ASTL: variants seen among roughly 807,000 people sequenced by gnomAD.
ASTL encodes astacin like metalloendopeptidase.
ASTL carries 27 observed loss-of-function variants against 36.7 expected under a neutral mutation model. The observed-to-expected ratio is 0.73, with a 90% CI of 0.54 to 1.01. The LOEUF is 1.01. ASTL is among the 50% of genes least tolerant of loss of function. The pLI is 0.00. For missense variants in ASTL, 524 were observed against 572.8 expected, an observed-to-expected ratio of 0.91 and a Z score of 0.87; for synonymous variants, 222 against 228.1, an observed-to-expected ratio of 0.97 and a Z score of 0.24.
chr2:96,129,733 A>G, intron 8 of ASTL, 91 bp downstream of exon 8: 1 of 1,290,822 alleles, frequency 7.7e-7, no homozygotes, highest in Non-Finnish European at 1.1e-6. Context: ...TCCCCCTGCA[A>G]CCTCATCTCC....
At position 96,123,294 on chromosome 2, in the gene ASTL, C is replaced by T. The variant is rs1377856513; in HGVS notation, c.*556G>A. Among the ~76,000 whole-genome samples, 1 of 152,232 alleles carries T rather than the reference C, an allele frequency of 6.6e-6. No homozygotes were observed. Among genetic ancestry groups the T allele is most frequent in the Non-Finnish European group, 1.5e-5 (1 of 68,034 alleles). On this transcript the variant is annotated 3_prime_UTR_variant, in exon 9 of 9. Transcript: ENST00000342380. ...GTGGCCACACTTGACCTACCACCTT[C>T]CTGCTCTGCAGGGGAGTAAGTTGGG...
At chr2:96,131,423 C>T (rs1353402022) in intron 6 of ASTL, among the ~76,000 whole-genome samples, 2 of 152,218 alleles carry the variant, frequency 1.3e-5, no homozygotes, top group South Asian at 2.1e-4. Context: ...AGAATGTTTA[C>T]ATTGGTCTAC....
chr2:96,132,433 G>T lies in ASTL; in HGVS notation c.637+107C>A. Reference sequence around the variant, plus strand: ...CACCTTCCCCACAGGAAGCAGGCAGGTGATGGGGAGGATGGATAGCCTCAC... The same window carrying T: ...CACCTTCCCCACAGGAAGCAGGCAGTTGATGGGGAGGATGGATAGCCTCAC... On this transcript the variant is annotated intron_variant, in intron 6 of 8. Transcript: ENST00000342380. This position sits in a 1 kb window ranked among gnomAD's most constrained non-coding sequence, Gnocchi z 5.4. 1 of 1,003,410 alleles carries T rather than the reference G, an allele frequency of 1.0e-6. No individual in the cohort carries two copies. The highest frequency in any genetic ancestry group is 1.4e-6 in the Non-Finnish European group (1 of 695,130). 62.2% of individuals were successfully genotyped at this position (1,003,410 alleles called of 1,614,324 possible). A position where few individuals can be genotyped will look rare whatever the true frequency, so the allele number is the denominator to read the frequency against.
intron 8 of ASTL, among the ~76,000 whole-genome samples, chr2:96,126,381 C>T (rs1349517758): frequency 6.6e-6 from 1 of 152,078 alleles, no homozygotes; most frequent in East Asian, 1.9e-4. Flanking sequence ...TGCAGATGAC[C>T]AACAAGCACA....
At chr2:96,129,611 T>C (rs967873240) in intron 8 of ASTL, among the ~76,000 whole-genome samples, 1 of 152,242 alleles carries the variant, frequency 6.6e-6, no homozygotes, top group African/African-American at 2.4e-5. Flanking sequence ...TTATCTAGGC[T>C]AAGCAAGTGA....
intron 8 of ASTL, among the ~76,000 whole-genome samples, chr2:96,126,247 G>A (rs1682061440): frequency 6.6e-6 from 1 of 152,170 alleles, no homozygotes; most frequent in African/African-American, 2.4e-5. Context: ...AGGAAGTGAT[G>A]AAATATTTAA....
At position 96,124,778 on chromosome 2, in the gene ASTL, C is replaced by T. The variant is rs1331391171; in HGVS notation, c.875-507G>A. ...ACCCCACCTCTTTGTGGGCACTCTT[C>T]CTCATTCAAGCCCATGTTCTCTGGC... On this transcript the variant is annotated intron_variant, in intron 8 of 8. Coordinates refer to ENST00000342380, the MANE Select transcript of ASTL (RefSeq NM_001002036.4). The surrounding 1 kb of genome is among the most constrained non-coding windows in gnomAD (Gnocchi z 4.1). Among the ~76,000 whole-genome samples, 2 of 152,140 alleles carry T rather than the reference C, an allele frequency of 1.3e-5. No individual in the cohort carries two copies. Among genetic ancestry groups the T allele is most frequent in the African/African-American group, 4.8e-5 (2 of 41,432 alleles).
rs1304684277 is a variant in ASTL at position 96,124,792 on chromosome 2, A to G, written c.875-521T>C. ...TGGGCACTCTTCCTCATTCAAGCCC[A>G]TGTTCTCTGGCTGGCCCCAGCCCCT... On this transcript the variant is annotated intron_variant, in intron 8 of 8. Transcript: ENST00000342380. The surrounding 1 kb of genome is among the most constrained non-coding windows in gnomAD (Gnocchi z 4.1). Among the ~76,000 whole-genome samples, 1 of 151,988 alleles carries G rather than the reference A, an allele frequency of 6.6e-6. No homozygotes were observed. Among genetic ancestry groups the G allele is most frequent in the Non-Finnish European group, 1.5e-5 (1 of 67,982 alleles).
At position 96,135,385 on chromosome 2, in the gene ASTL, C is replaced by T. The variant is rs370555704; in HGVS notation, c.209G>A (p.Ser70Asn). Residue 70 changes from serine to asparagine, a missense_variant, in exon 3 of 9, where the codon AGC becomes AAC. Physicochemically the swap from Ser to Asn is conservative, Grantham distance 46. Transcript: ENST00000342380. ...QGLILEETPE[S>N]SFLIEGDIIR... is the part of the protein sequence containing the mutation. ...GATGTCCCCCTCGATGAGGAAGCTG[C>T]TCTCTGGGGTTTCTTCCAGGATGAG... 37 of 1,614,064 alleles carry T rather than the reference C, an allele frequency of 2.3e-5. No homozygotes were observed. Among genetic ancestry groups the T allele is most frequent in the Non-Finnish European group, 3.1e-5 (36 of 1,180,020 alleles).
chr2:96,136,443 G>A (rs541361375), intron 2 of ASTL, among the ~76,000 whole-genome samples: 51 of 152,352 alleles, frequency 3.3e-4, no homozygotes, highest in South Asian at 2.3e-3. Flanking sequence ...GGTAAGGCAC[G>A]GGCAGCCCTT....
chr2:96,124,015 AC>A lies in ASTL; in HGVS notation c.1130del (p.Gly377ValfsTer64). The A allele has an allele frequency of 6.2e-7, 1 of 1,614,032 alleles. No homozygotes were observed. On this transcript the variant is annotated frameshift_variant, in exon 9 of 9. Coordinates refer to ENST00000342380, the MANE Select transcript of ASTL (RefSeq NM_001002036.4). LOFTEE classifies it low-confidence loss of function (END_TRUNC). This position sits in a 1 kb window ranked among gnomAD's most constrained non-coding sequence, Gnocchi z 4.1. ...ASSPRSRPGAGAPGVAQEQSW... is the reference protein window; with the variant it reads ...ASSPRSRPGAXAPGVAQEQSW... ...ACTGCTCCTGAGCAACACCGGGGGC[AC>A]CTGCTCCAGGCCTTGATCTTGGGGA...
intron 8 of ASTL, among the ~76,000 whole-genome samples, chr2:96,126,054 A>G (rs557116289): frequency 6.6e-6 from 1 of 152,172 alleles, no homozygotes; most frequent in African/African-American, 2.4e-5. Context: ...TAGGTCATAT[A>G]CCTAAATGTA....
intron 2 of ASTL, 35 bp downstream of exon 2, chr2:96,137,540 C>A: frequency 6.2e-7 from 1 of 1,605,364 alleles, no homozygotes; most frequent in Non-Finnish European, 8.5e-7. Flanking sequence ...TAACGTCGTG[C>A]CCCTCCAGGC....
In ASTL at chr2:96,123,394, G is replaced by A. The variant is rs1217501464; in HGVS notation, c.*456C>T. Reference sequence around the variant, plus strand: ...CATTCCCCCACACTTGGGCATGTTGGGTGGGATGGGAGGCTGTTCCCAGGG... The same window carrying A: ...CATTCCCCCACACTTGGGCATGTTGAGTGGGATGGGAGGCTGTTCCCAGGG... On this transcript the variant is annotated 3_prime_UTR_variant, in exon 9 of 9. Transcript: ENST00000342380. Among the ~76,000 whole-genome samples the A allele has an allele frequency of 6.6e-6, 1 of 152,216 alleles. No homozygotes were observed. Among genetic ancestry groups the A allele is most frequent in the Non-Finnish European group, 1.5e-5 (1 of 68,022 alleles).
At chr2:96,129,692 GT>G in intron 8 of ASTL, 131 bp downstream of exon 8, 1 of 791,152 alleles carries the variant, frequency 1.3e-6, no homozygotes, top group Non-Finnish European at 1.9e-6. Flanking sequence ...GTTCTGCGTC[GT>G]TGTGGCAAGC....
chr2:96,132,551 T>C lies in ASTL; in HGVS notation c.626A>G (p.Glu209Gly). The stretch of plus-strand genomic sequence containing the variant: ...GTGGCCTGGCTCACCTGGCAGGATC[T>C]CGTTCCAGTTGACACGGATATAGCG... Reference protein sequence around the residue: ...RDRYIRVNWNEILPGFEINFI... With the variant: ...RDRYIRVNWNGILPGFEINFI... The change falls in exon 6 of 9, where the codon GAG becomes GGG. Residue 209 changes from glutamate to glycine, a missense_variant. Coordinates refer to ENST00000342380, the MANE Select transcript of ASTL (RefSeq NM_001002036.4). The surrounding 1 kb of genome is among the most constrained non-coding windows in gnomAD (Gnocchi z 5.4). The C allele has an allele frequency of 6.3e-7, 1 of 1,598,130 alleles. No individual in the cohort carries two copies. The highest frequency in any genetic ancestry group is 1.1e-5 in the South Asian group (1 of 90,534).
chr2:96,124,083 T>G lies in ASTL; in HGVS notation c.1063A>C (p.Ser355Arg). ...GGCTGCCTTGCCGAGGCCTCTGCAC[T>G]GAGCTTTTTCAGGGCAGGGGACTCC... ...GWESPALKKL[S>R]AEASARQPQT... Residue 355 changes from serine (S) to arginine (R), a missense_variant, in exon 9 of 9, where the codon AGT (serine) becomes CGT (arginine). Coordinates refer to ENST00000342380, the MANE Select transcript of ASTL (RefSeq NM_001002036.4). The surrounding 1 kb of genome is among the most constrained non-coding windows in gnomAD (Gnocchi z 4.1). 1 of 1,611,830 alleles carries G rather than the reference T, an allele frequency of 6.2e-7. No homozygotes were observed. Among genetic ancestry groups the G allele is most frequent in the Non-Finnish European group, 8.5e-7 (1 of 1,178,720 alleles).
At chr2:96,137,746 C>G in intron 1 of ASTL, 46 bp from the exon 2 acceptor site, 1 of 1,581,270 alleles carries the variant, frequency 6.3e-7, no homozygotes, top group Non-Finnish European at 8.6e-7. Context: ...GGAGCACCCA[C>G]CGGTGAGACC....
At chr2:96,131,611 C>G (rs767986038) in intron 6 of ASTL, among the ~76,000 whole-genome samples, 11 of 152,162 alleles carry the variant, frequency 7.2e-5, no homozygotes, top group African/African-American at 9.7e-5. Flanking sequence ...ATCCCCTCCC[C>G]CTTTGTGAGG....
Sources: allele counts gnomAD v4.1 joint callset (sites outside exome capture counted in the v4.1 genomes callset), GRCh38; gene constraint gnomAD v4.1.1; non-coding constraint Gnocchi (gnomAD v3.1); transcripts MANE v1.5; gene names NCBI Gene and HGNC (gene_info 2026-07-23, HGNC 2026-07-21).